PPP1R13B: variants seen among roughly 807,000 people sequenced by gnomAD.
PPP1R13B encodes apoptosis-stimulating of p53 protein 1.
In PPP1R13B, 44 loss-of-function variants were observed where a neutral mutation model predicts 119.8. That is an observed-to-expected ratio of 0.37 (90% CI 0.29 to 0.47). The LOEUF is 0.47. PPP1R13B is among the 20% of genes least tolerant of loss of function. PPP1R13B has a pLI of 0.99. For missense variants in PPP1R13B, 1,227 were observed against 1,413.5 expected (o/e 0.87, Z 2.12); for synonymous variants, 542 against 561.5 (o/e 0.97, Z 0.49).
At chr14:103,814,282 G>C (rs1387912478) in intron 1 of PPP1R13B, among the ~76,000 whole-genome samples, 1 of 152,150 alleles carries the variant, frequency 6.6e-6, no homozygotes, top group Non-Finnish European at 1.5e-5. Context: ...CTGGGAGGCC[G>C]AGCTTGCAGT....
At chr14:103,800,036 A>G (rs1276858849) in intron 1 of PPP1R13B, among the ~76,000 whole-genome samples, 1 of 152,140 alleles carries the variant, frequency 6.6e-6, no homozygotes, top group African/African-American at 2.4e-5. Flanking sequence ...TGGGTGACAG[A>G]GCAAGACTCT....
intron 9 of PPP1R13B, among the ~76,000 whole-genome samples, chr14:103,743,365 CAGG>C (rs2084307077): frequency 6.6e-6 from 1 of 152,238 alleles, no homozygotes; most frequent in African/African-American, 2.4e-5. Context: ...ATTTGCGTAG[CAGG>C]AGGAGCAGGC....
At chr14:103,847,236 AAGG>A (rs2087069470) in intron 1 of PPP1R13B, 60 bp downstream of exon 1, 1 of 1,112,322 alleles carries the variant, frequency 9.0e-7, no homozygotes, top group Non-Finnish European at 1.1e-6. Flanking sequence ...CCGCGGGAGG[AAGG>A]AGGTTTGGCC....
Position 103,784,825 on chromosome 14 carries a change from C to G in PPP1R13B, c.247G>C (p.Glu83Gln). 6.2e-7 allele frequency: 1 copy of G among 1,609,464 alleles called. No homozygotes were observed. The highest frequency in any genetic ancestry group is 1.7e-5 in the Admixed American group (1 of 59,930). Residue 83 changes from glutamate (E) to glutamine (Q), a missense_variant, in exon 3 of 17, where the codon GAG becomes CAG. Physicochemically the swap from Glu to Gln is conservative, Grantham distance 29. Transcript: ENST00000202556. ...REEVKFFLRHEDSPTENSEQG... is the reference protein window; with the variant it reads ...REEVKFFLRHQDSPTENSEQG... ...TCACTGTTCTCAGTTGGGGAGTCCT[C>G]GTGTCGAAGGAAAAATTTCACTTCT...
In PPP1R13B at chr14:103,742,799, A is replaced by C; in HGVS notation, c.1175T>G (p.Leu392Ter). The C allele has an allele frequency of 6.2e-7, 1 of 1,614,108 alleles. No homozygotes were observed. The highest frequency in any genetic ancestry group is 8.5e-7 in the Non-Finnish European group (1 of 1,180,026). The change falls in exon 10 of 17, where the codon TTA (leucine) becomes TGA (stop). Residue 392 changes from leucine (L) to a stop codon, truncating the protein, a stop_gained. Coordinates refer to ENST00000202556, the MANE Select transcript of PPP1R13B (RefSeq NM_015316.3). LOFTEE classifies it high-confidence loss of function. The surrounding 1 kb of genome is among the most constrained non-coding windows in gnomAD (Gnocchi z 4.9). Reference sequence around the variant, plus strand: ...CACGGAAGAGCTAGAATTCTGTTTTAATGTTGGCCAGTTTCCATCATTAGC... The same window carrying C: ...CACGGAAGAGCTAGAATTCTGTTTTCATGTTGGCCAGTTTCCATCATTAGC... ...KSANDGNWPT[L>*]KQNSSSSVKP...
At chr14:103,816,743 C>T (rs2152065050) in intron 1 of PPP1R13B, among the ~76,000 whole-genome samples, 1 of 151,894 alleles carries the variant, frequency 6.6e-6, no homozygotes, top group South Asian at 2.1e-4. Flanking sequence ...TATAGCTGTA[C>T]CTTAATGTCT....
intron 1 of PPP1R13B, among the ~76,000 whole-genome samples, chr14:103,823,239 T>C (rs2086454121): frequency 1.3e-5 from 2 of 151,568 alleles, no homozygotes; most frequent in African/African-American, 2.4e-5. Flanking sequence ...CTTGGGAGGC[T>C]GAGGCAGGAG....
chr14:103,847,644 G>A, upstream of PPP1R13B: 1 of 982,734 alleles, frequency 1.0e-6, no homozygotes, highest in African/African-American at 1.7e-5. Flanking sequence ...CCCCGCACGG[G>A]TCCCGTAGCC....
intron 9 of PPP1R13B, among the ~76,000 whole-genome samples, chr14:103,744,640 C>T (rs557715905): frequency 1.3e-5 from 2 of 152,320 alleles, no homozygotes; most frequent in East Asian, 1.9e-4. Context: ...CAGAGGGCCG[C>T]GAGGAGCCAT....
intron 1 of PPP1R13B, among the ~76,000 whole-genome samples, chr14:103,814,178 G>A (rs1206729912): frequency 6.6e-6 from 1 of 152,000 alleles, no homozygotes; most frequent in African/African-American, 2.4e-5. Context: ...GTGAAACCCC[G>A]TCTCTACTAA....
chr14:103,835,602 A>G (rs998442887), intron 1 of PPP1R13B, among the ~76,000 whole-genome samples: 1 of 135,296 alleles, frequency 7.4e-6, no homozygotes, highest in Admixed American at 7.4e-5. Flanking sequence ...GCTAATTTTT[A>G]TTTTTATTTA....
intron 2 of PPP1R13B, among the ~76,000 whole-genome samples, chr14:103,789,072 G>A (rs1165508285): frequency 6.6e-6 from 1 of 152,118 alleles, no homozygotes; most frequent in Non-Finnish European, 1.5e-5. Flanking sequence ...CAACAAACAA[G>A]CTCTAGCTCT....
At position 103,738,712 on chromosome 14, in the gene PPP1R13B, C is replaced by G. The variant is rs911240430; in HGVS notation, c.2831G>C (p.Gly944Ala). The G allele has an allele frequency of 2.5e-6, 4 of 1,614,164 alleles. No individual in the cohort carries two copies. Among genetic ancestry groups the G allele is most frequent in the Non-Finnish European group, 3.4e-6 (4 of 1,180,058 alleles). ...HHIVKFLLDF[G>A]VNVNAADSDG... ...ACTATCAGCAGCATTCACGTTGACA[C>G]CAAAATCCAGCAGGAACTTCACGAT... Residue 944 changes from glycine (G) to alanine (A), a missense_variant, in exon 14 of 17, where the codon GGT becomes GCT. Transcript: ENST00000202556. This position sits in a 1 kb window ranked among gnomAD's most constrained non-coding sequence, Gnocchi z 5.6.
intron 2 of PPP1R13B, among the ~76,000 whole-genome samples, chr14:103,792,078 T>G (rs990885988): frequency 1.3e-5 from 2 of 152,192 alleles, no homozygotes; most frequent in East Asian, 3.8e-4. Context: ...TATTTAAATA[T>G]ACCAAGTCTG....
chr14:103,750,128 A>C (rs2084502932), intron 7 of PPP1R13B, among the ~76,000 whole-genome samples, 194 bp from the exon 8 acceptor site: 1 of 152,260 alleles, frequency 6.6e-6, no homozygotes, highest in South Asian at 2.1e-4. Flanking sequence ...GAACAAAGAA[A>C]GAGCAAACAT....
chr14:103,819,702 A>G (rs925537652), intron 1 of PPP1R13B, among the ~76,000 whole-genome samples: 3 of 151,968 alleles, frequency 2.0e-5, no homozygotes, highest in Non-Finnish European at 4.4e-5. Flanking sequence ...CATGCCCTAG[A>G]GAGAAAGCCT....
chr14:103,834,169 G>A (rs933972613), intron 1 of PPP1R13B, among the ~76,000 whole-genome samples: 1 of 152,302 alleles, frequency 6.6e-6, no homozygotes, highest in African/African-American at 2.4e-5. Context: ...GAGGCCAGAC[G>A]TTCAAGACCA....
chr14:103,848,153 C>A (rs761699697), upstream of PPP1R13B: 10 of 808,248 alleles, frequency 1.2e-5, no homozygotes, highest in Non-Finnish European at 1.3e-5. Flanking sequence ...GCTTCTCCCC[C>A]ACCGGCGTCT....
At chr14:103,772,783 C>T (rs1184747468) in intron 4 of PPP1R13B, among the ~76,000 whole-genome samples, 3 of 152,028 alleles carry the variant, frequency 2.0e-5, no homozygotes, top group African/African-American at 7.2e-5. Context: ...AGTGATTCTC[C>T]TGCCTCCCAA....
Sources: allele counts gnomAD v4.1 joint callset (sites outside exome capture counted in the v4.1 genomes callset), GRCh38; gene constraint gnomAD v4.1.1; non-coding constraint Gnocchi (gnomAD v3.1); transcripts MANE v1.5; gene names NCBI Gene and HGNC (gene_info 2026-07-23, HGNC 2026-07-21).